ZNF57: variants seen among roughly 807,000 people sequenced by gnomAD.
ZNF57 encodes the protein zinc finger protein 57.
ZNF57 carries 11 observed loss-of-function variants against 13.4 expected under a neutral mutation model. The ratio of observed to expected loss-of-function variants is 0.82; its 90% confidence interval spans 0.52 to 1.36. The LOEUF is 1.36. ZNF57 is among the 40% of genes most tolerant of loss of function. ZNF57 has a pLI of 0.00. For synonymous variants in ZNF57, 224 were observed against 238.5 expected, an observed-to-expected ratio of 0.94 and a Z score of 0.56; for missense variants, 696 against 667.5, an observed-to-expected ratio of 1.04 and a Z score of -0.47.
In ZNF57 at chr19:2,901,718, C is replaced by T. The variant is rs1302240909; in HGVS notation, c.3+670C>T. Among the ~76,000 whole-genome samples, 4 of 152,090 alleles carry T rather than the reference C, an allele frequency of 2.6e-5. No individual in the cohort carries two copies. The South Asian group carries it at 6.2e-4, about 24-fold the overall frequency. ...GTTTTTAGTAGAGACAGGGTTTCAC[C>T]ATGTTGGCCAGAATGGTCTCGATCT... On this transcript the variant is annotated intron_variant, in intron 1 of 3. Transcript: ENST00000306908.
intron 1 of ZNF57, among the ~76,000 whole-genome samples, chr19:2,914,335 A>G (rs894276699): frequency 2.0e-5 from 3 of 152,124 alleles, no homozygotes; most frequent in African/African-American, 4.8e-5. Flanking sequence ...GCTCACCGCA[A>G]CCTCCACCTC....
intron 1 of ZNF57, among the ~76,000 whole-genome samples, chr19:2,902,593 ATAGT>A (rs2088039385): frequency 6.6e-6 from 1 of 152,198 alleles, no homozygotes; most frequent in Non-Finnish European, 1.5e-5. Flanking sequence ...ACAAAAAATA[ATAGT>A]TATTCTTCCA....
chr19:2,916,307 T>C, intron 3 of ZNF57, 58 bp downstream of exon 3: 4 of 1,426,036 alleles, frequency 2.8e-6, no homozygotes, highest in Non-Finnish European at 3.7e-6. Context: ...TATCTAAGTA[T>C]TGCTCCAAAT....
At chr19:2,909,276 T>TTTA (rs1484644823) in intron 1 of ZNF57, among the ~76,000 whole-genome samples, 13 of 117,090 alleles carry the variant, frequency 1.1e-4, no homozygotes, top group African/African-American at 3.6e-4. Flanking sequence ...ATTTTATTTA[T>TTTA]TTTTGTTTTT....
intron 1 of ZNF57, among the ~76,000 whole-genome samples, chr19:2,905,032 A>G (rs1223906969): frequency 6.6e-6 from 1 of 152,158 alleles, no homozygotes; most frequent in Non-Finnish European, 1.5e-5. Context: ...CTCCTTGCCC[A>G]GGTGTTAAAC....
At chr19:2,912,427 G>A (rs758971917) in intron 1 of ZNF57, among the ~76,000 whole-genome samples, 36 of 152,284 alleles carry the variant, frequency 2.4e-4, no homozygotes, top group Non-Finnish European at 4.3e-4. Flanking sequence ...ACTTGGGCCC[G>A]CTGTGCCCCC....
chr19:2,918,087 C>T lies in ZNF57; in HGVS notation c.1466C>T (p.Ser489Leu), dbSNP rs1264317540. 1 of 1,614,102 alleles carries T rather than the reference C, an allele frequency of 6.2e-7. No homozygotes were observed. The highest frequency in any genetic ancestry group is 1.1e-5 in the South Asian group (1 of 91,072). ...KQCGKTFTWSSTLHNHVRMHT... is the reference protein window; with the variant it reads ...KQCGKTFTWSLTLHNHVRMHT... ...TGTGGAAAAACCTTCACTTGGTCCT[C>T]AACCTTACATAATCATGTGAGGATG... The change falls in exon 4 of 4, where the codon TCA becomes TTA. Residue 489 changes from serine (S) to leucine (L), a missense_variant. Physicochemically the swap from Ser to Leu is moderately radical, Grantham distance 145. Around this residue, in one of 3 missense-constraint regions of ZNF57, gnomAD observed 645 missense variants for 591.5 expected, o/e 1.09. Transcript: ENST00000306908.
chr19:2,914,601 G>A (rs925270578), intron 1 of ZNF57, among the ~76,000 whole-genome samples: 1 of 152,120 alleles, frequency 6.6e-6, no homozygotes, highest in Non-Finnish European at 1.5e-5. Flanking sequence ...CCTTTCAGTT[G>A]TTTAACTTTT....
At chr19:2,916,582 G>T (rs1434237002) in intron 3 of ZNF57, 1 of 242,296 alleles carries the variant, frequency 4.1e-6, no homozygotes, top group East Asian at 8.9e-5. Flanking sequence ...CGAGCGTGGT[G>T]GCAGGCACCT....
chr19:2,917,430 A>T lies in ZNF57; in HGVS notation c.809A>T (p.His270Leu), dbSNP rs1188769923. The change falls in exon 4 of 4, where the codon CAC (histidine) becomes CTC (leucine). Residue 270 changes from histidine to leucine, a missense_variant. His to Leu is a moderately conservative substitution (Grantham distance 99). This residue lies in a region of ZNF57 where 645 missense variants were observed against 591.5 expected (regional missense o/e 1.09). Transcript: ENST00000306908. ...ATTTATCCCTCGACATTTCAAAGAC[A>T]CATGACAACACACACTGGAGAGAAG... ...AFIYPSTFQR[H>L]MTTHTGEKPY... The T allele has an allele frequency of 6.2e-7, 1 of 1,614,228 alleles. No individual in the cohort carries two copies. Among genetic ancestry groups the T allele is most frequent in the South Asian group, 1.1e-5 (1 of 91,082 alleles).
In ZNF57 at chr19:2,918,285, A is replaced by G; in HGVS notation, c.1664A>G (p.His555Arg). Residue 555 changes from histidine (H) to arginine (R), a missense_variant, in exon 4 of 4, where the codon CAC becomes CGC. His to Arg is a conservative substitution (Grantham distance 29). Around this residue, in one of 3 missense-constraint regions of ZNF57, gnomAD observed 645 missense variants for 591.5 expected, o/e 1.09. Coordinates refer to ENST00000306908, the MANE Select transcript of ZNF57 (RefSeq NM_173480.3). The stretch of plus-strand genomic sequence containing the variant: ...CTTTCTAAAACCAGTGAGAGCACAC[A>G]CTAAAGAGAAATTCTATAACTTTAA... ...VILSKTSESTH is the reference protein window; with the variant it reads ...VILSKTSESTR 3.2e-6 allele frequency: 5 copies of G among 1,587,188 alleles called. No homozygotes were observed. The highest frequency in any genetic ancestry group is 1.4e-5 in the African/African-American group (1 of 73,968).
chr19:2,908,485 G>T (rs1363996876), intron 1 of ZNF57, among the ~76,000 whole-genome samples: 1 of 136,978 alleles, frequency 7.3e-6, no homozygotes, highest in Admixed American at 7.2e-5. Flanking sequence ...TTTTGAGACG[G>T]AGTCTTGCTC....
chr19:2,907,600 G>A (rs150869683), intron 1 of ZNF57, among the ~76,000 whole-genome samples: 22 of 152,296 alleles, frequency 1.4e-4, no homozygotes, highest in African/African-American at 4.3e-4. Flanking sequence ...TGGCAAGATT[G>A]ACAGCTCTTA....
At chr19:2,911,582 C>T (rs1442459254) in intron 1 of ZNF57, among the ~76,000 whole-genome samples, 2 of 151,892 alleles carry the variant, frequency 1.3e-5, no homozygotes, top group African/African-American at 2.4e-5. Flanking sequence ...GACAGGGTGT[C>T]ACTATGTTGC....
chr19:2,913,495 CTT>C (rs2088159416), intron 1 of ZNF57, among the ~76,000 whole-genome samples: 1 of 151,992 alleles, frequency 6.6e-6, no homozygotes, highest in Admixed American at 6.6e-5. Context: ...TATATTATGT[CTT>C]TATTTTACAT....
chr19:2,908,495 C>G (rs958186819), intron 1 of ZNF57, among the ~76,000 whole-genome samples: 16 of 120,736 alleles, frequency 1.3e-4, no homozygotes, highest in African/African-American at 5.0e-4. Flanking sequence ...GAGTCTTGCT[C>G]TGTCGCCCAG....
rs1009191056 is a variant in ZNF57, at chr19:2,917,700, G to C, written c.1079G>C (p.Gly360Ala). The change falls in exon 4 of 4, where the codon GGA becomes GCA. Residue 360 changes from glycine to alanine, a missense_variant. By Grantham distance (60) the Gly-to-Ala change is moderately conservative. Around this residue, in one of 3 missense-constraint regions of ZNF57, gnomAD observed 645 missense variants for 591.5 expected, o/e 1.09. Coordinates refer to ENST00000306908, the MANE Select transcript of ZNF57 (RefSeq NM_173480.3). ...SFQGHLRTHT[G>A]EKPYECKQCG... Reference sequence around the variant, plus strand: ...CAAGGTCATTTGAGGACGCACACTGGAGAGAAACCTTATGAGTGTAAACAA... The same window carrying C: ...CAAGGTCATTTGAGGACGCACACTGCAGAGAAACCTTATGAGTGTAAACAA... The C allele has an allele frequency of 1.2e-6, 2 of 1,613,928 alleles. No homozygotes were observed. The highest frequency in any genetic ancestry group is 2.2e-5 in the South Asian group (2 of 91,044).
chr19:2,917,697 C>A lies in ZNF57; in HGVS notation c.1076C>A (p.Thr359Asn), dbSNP rs573365989. The part of the protein sequence containing the change: ...RSFQGHLRTH[T>N]GEKPYECKQC... ...TTCCAAGGTCATTTGAGGACGCACA[C>A]TGGAGAGAAACCTTATGAGTGTAAA... Residue 359 changes from threonine (T) to asparagine (N), a missense_variant, in exon 4 of 4, where the codon ACT becomes AAT. Coordinates refer to ENST00000306908, the MANE Select transcript of ZNF57 (RefSeq NM_173480.3). 6.2e-7 allele frequency: 1 copy of A among 1,613,912 alleles called. No individual in the cohort carries two copies. Among genetic ancestry groups the A allele is most frequent in the East Asian group, 2.2e-5 (1 of 44,858 alleles).
intron 1 of ZNF57, among the ~76,000 whole-genome samples, chr19:2,905,955 G>A (rs1229953142): frequency 6.6e-6 from 1 of 152,312 alleles, no homozygotes; most frequent in South Asian, 2.1e-4. Context: ...GAGATCTGCT[G>A]ACGTGGTGGC....
Sources: allele counts gnomAD v4.1 joint callset (sites outside exome capture counted in the v4.1 genomes callset), GRCh38; gene constraint gnomAD v4.1.1; regional missense constraint gnomAD v4.1.1; transcripts MANE v1.5; gene names NCBI Gene and HGNC (gene_info 2026-07-23, HGNC 2026-07-21).